Variants in EXT2 observed in about 807,000 individuals in gnomAD.
EXT2 encodes exostosin glycosyltransferase 2.
In EXT2, 53 loss-of-function variants were observed where a neutral mutation model predicts 81.6. That is an observed-to-expected ratio of 0.65 (90% CI 0.52 to 0.82). The LOEUF (loss-of-function observed/expected upper bound fraction) is 0.82. EXT2 is among the 40% of genes least tolerant of loss of function. The pLI, the probability that EXT2 is intolerant of heterozygous loss-of-function variation, is 0.00. For missense variants in EXT2, 774 were observed against 910.2 expected, an observed-to-expected ratio of 0.85 and a Z score of 1.93; for synonymous variants, 320 against 340.0, an observed-to-expected ratio of 0.94 and a Z score of 0.65.
intron 7 of EXT2, among the ~76,000 whole-genome samples, chr11:44,131,500 G>C (rs1954492425): frequency 6.6e-6 from 1 of 152,094 alleles, no homozygotes; most frequent in Admixed American, 6.5e-5. Context: ...TTGGCATTCT[G>C]GTTTGAACGC....
Position 44,206,973 on chromosome 11 carries a change from A to G in EXT2, c.1662+14A>G. 6.2e-7 allele frequency: 1 copy of G among 1,613,332 alleles called. No homozygotes were observed. The highest frequency in any genetic ancestry group is 8.5e-7 in the Non-Finnish European group (1 of 1,179,420). ...TTTGGTTATGAGGTAAGGAGGTTTT[A>G]CACAGTGTGTTTATATGTTTAATAT... is the stretch of plus-strand genomic sequence containing the variant. On this transcript the variant is annotated intron_variant, in intron 10 of 13. Coordinates refer to ENST00000533608, the MANE Select transcript of EXT2 (RefSeq NM_207122.2).
intron 7 of EXT2, among the ~76,000 whole-genome samples, chr11:44,163,545 T>A (rs977979476): frequency 2.0e-5 from 3 of 152,238 alleles, no homozygotes; most frequent in African/African-American, 7.2e-5. Context: ...TGAAAAGGAA[T>A]AATTAGCCTT....
intron 9 of EXT2, among the ~76,000 whole-genome samples, chr11:44,201,198 T>G (rs1227315979): frequency 1.3e-5 from 2 of 152,230 alleles, no homozygotes; most frequent in African/African-American, 4.8e-5. Flanking sequence ...AGACCCCATT[T>G]AGGCTAAGCA....
At chr11:44,130,628 T>G (rs1322492574) in intron 7 of EXT2, among the ~76,000 whole-genome samples, 1 of 152,204 alleles carries the variant, frequency 6.6e-6, no homozygotes, top group Non-Finnish European at 1.5e-5. Flanking sequence ...TCTTCTACCT[T>G]CTGACACCCC....
At chr11:44,199,296 A>G (rs1955495004) in intron 9 of EXT2, among the ~76,000 whole-genome samples, 2 of 152,204 alleles carry the variant, frequency 1.3e-5, no homozygotes, top group African/African-American at 4.8e-5. Context: ...AAGAGAGACA[A>G]TTATAAGGAA....
chr11:44,230,520 G>C (rs1394624793), intron 10 of EXT2, among the ~76,000 whole-genome samples: 1 of 152,138 alleles, frequency 6.6e-6, no homozygotes, highest in Non-Finnish European at 1.5e-5. Context: ...AATGTTGTCA[G>C]GGTGACCCCT....
At chr11:44,098,924 G>A (rs371324007) in intron 1 of EXT2, among the ~76,000 whole-genome samples, 15 of 152,224 alleles carry the variant, frequency 9.9e-5, no homozygotes, top group South Asian at 2.1e-4. Context: ...ATGCTAAACC[G>A]TGTGCACCTA....
chr11:44,210,907 A>G (rs2135214230), intron 10 of EXT2, among the ~76,000 whole-genome samples: 2 of 152,334 alleles, frequency 1.3e-5, no homozygotes, highest in South Asian at 4.1e-4. Flanking sequence ...TAGATTCAAA[A>G]CAATACAGTC....
intron 5 of EXT2, among the ~76,000 whole-genome samples, chr11:44,125,977 G>A (rs551651128): frequency 5.3e-5 from 8 of 152,200 alleles, no homozygotes; most frequent in South Asian, 2.1e-4. Context: ...TTGGAATATC[G>A]AATTCCTTTA....
At chr11:44,141,457 TGG>T (rs1954645196) in intron 7 of EXT2, among the ~76,000 whole-genome samples, 1 of 152,092 alleles carries the variant, frequency 6.6e-6, no homozygotes, top group African/African-American at 2.4e-5. Flanking sequence ...AACTCCAAAG[TGG>T]TAGAATCACT....
chr11:44,213,825 G>A (rs1458528934), intron 10 of EXT2, among the ~76,000 whole-genome samples: 1 of 152,122 alleles, frequency 6.6e-6, no homozygotes, highest in Non-Finnish European at 1.5e-5. Flanking sequence ...AGAAATAATG[G>A]CTAAAAACGT....
At chr11:44,232,285 G>T in intron 10 of EXT2, 68 bp from the exon 11 acceptor site, 1 of 1,603,584 alleles carries the variant, frequency 6.2e-7, no homozygotes, top group South Asian at 1.1e-5. Context: ...ATACCTGTTT[G>T]GATAACTCAG....
chr11:44,107,779 C>T lies in EXT2; in HGVS notation c.67C>T (p.Arg23Ter), dbSNP rs754533434. Reference protein sequence around the residue: ...ALIPRMKTKHRIYYITLFSIV... With the variant: ...ALIPRMKTKH ...CATCCCAAGAATGAAGACCAAGCAC[C>T]GAATCTACTATATCACCCTCTTCTC... Residue 23 changes from arginine to a stop codon, truncating the protein, a stop_gained, in exon 2 of 14, where the codon CGA becomes TGA. Transcript: ENST00000533608. LOFTEE classifies it high-confidence loss of function. 5.6e-6 allele frequency: 9 copies of T among 1,614,014 alleles called. No homozygotes were observed. The highest frequency in any genetic ancestry group is 1.1e-5 in the South Asian group (1 of 91,084).
intron 7 of EXT2, among the ~76,000 whole-genome samples, chr11:44,160,351 G>A (rs1485458661): frequency 6.6e-6 from 1 of 152,186 alleles, no homozygotes; most frequent in Non-Finnish European, 1.5e-5. Context: ...TGTTTGTGAT[G>A]TGACCTCATT....
At chr11:44,104,351 CAT>C in intron 1 of EXT2, among the ~76,000 whole-genome samples, 1 of 151,852 alleles carries the variant, frequency 6.6e-6, no homozygotes, top group East Asian at 1.9e-4. Flanking sequence ...CATATACACA[CAT>C]ATATATATCT....
chr11:44,213,013 C>T (rs1442040896), intron 10 of EXT2, among the ~76,000 whole-genome samples: 1 of 151,898 alleles, frequency 6.6e-6, no homozygotes, highest in African/African-American at 2.4e-5. Context: ...ATGAATTATA[C>T]CTTTAAAATT....
At chr11:44,112,909 T>C (rs1954166502) in intron 3 of EXT2, among the ~76,000 whole-genome samples, 3 of 152,182 alleles carry the variant, frequency 2.0e-5, no homozygotes. Flanking sequence ...TTACCTGGAC[T>C]GCCTGGTGCC....
intron 3 of EXT2, among the ~76,000 whole-genome samples, chr11:44,113,036 T>C (rs1460976062): frequency 2.0e-5 from 3 of 152,188 alleles, no homozygotes; most frequent in Non-Finnish European, 4.4e-5. Flanking sequence ...CAGTGCTGCA[T>C]GATAATCAGG....
chr11:44,106,822 T>C (rs982542336), intron 1 of EXT2, among the ~76,000 whole-genome samples: 1 of 152,020 alleles, frequency 6.6e-6, no homozygotes, highest in Non-Finnish European at 1.5e-5. Flanking sequence ...TAGAGACGGG[T>C]TTTGCCATGT....
Sources: gnomAD v4.1 joint callset for allele counts (sites outside exome capture counted in the v4.1 genomes callset) on GRCh38, gnomAD v4.1.1 for gene constraint, MANE v1.5 for transcripts, NCBI Gene and HGNC (gene_info 2026-07-23, HGNC 2026-07-21) for gene names.